The following SOS1 variants were observed in gnomAD, a reference collection of about 807,000 sequenced individuals.
SOS1 encodes the protein son of sevenless homolog 1.
Under a neutral mutation model 157.6 loss-of-function variants are expected in SOS1, and 25 were observed. The ratio of observed to expected loss-of-function variants is 0.16; its 90% confidence interval spans 0.12 to 0.22. The LOEUF is 0.22. SOS1 is among the 10% of genes least tolerant of loss of function. The pLI, the probability that SOS1 is intolerant of heterozygous loss-of-function variation, is 1.00. For synonymous variants in SOS1, 528 were observed against 534.0 expected (o/e 0.99, Z 0.16); for missense variants, 1,237 against 1,599.1 (o/e 0.77, Z 3.86).
intron 20 of SOS1, 41 bp downstream of exon 20, chr2:38,995,082 A>G (rs1462430125): frequency 6.4e-7 from 1 of 1,560,604 alleles, no homozygotes; most frequent in Non-Finnish European, 8.8e-7. Context: ...CATGTATAGT[A>G]CTAACAAATA....
rs1006310505 is a variant in SOS1, at chr2:39,055,301, A to G, written c.511-478T>C. On this transcript the variant is annotated intron_variant, in intron 4 of 22. Coordinates refer to ENST00000402219, the MANE Select transcript of SOS1 (RefSeq NM_005633.4). ...ACTGTTACTACTCTTGCTACAACAC[A>G]TCTTTCCCCTTCTTGAGAACTTCTA... Among the ~76,000 whole-genome samples, 87 of 152,248 alleles carry G rather than the reference A, an allele frequency of 5.7e-4. 1 individual carries two copies. Among genetic ancestry groups the G allele is most frequent in the African/African-American group, 2.0e-3 (85 of 41,540 alleles).
chr2:39,023,107 A>G lies in SOS1; in HGVS notation c.1321T>C (p.Cys441Arg). The change falls in exon 10 of 23, where the codon TGT (cysteine) becomes CGT (arginine). Residue 441 changes from cysteine to arginine, a missense_variant. Coordinates refer to ENST00000402219, the MANE Select transcript of SOS1 (RefSeq NM_005633.4). ...GTTCCTTCCATTATAAATTCATTAC[A>G]ACACTGTCCAATGTCTTTTCCCTCC... ...GWEGKDIGQC[C>R]NEFIMEGTLT... is the part of the protein sequence containing the mutation. 1 of 1,613,586 alleles carries G rather than the reference A, an allele frequency of 6.2e-7. No individual in the cohort carries two copies. The highest frequency in any genetic ancestry group is 8.5e-7 in the Non-Finnish European group (1 of 1,179,644).
intron 2 of SOS1, among the ~76,000 whole-genome samples, chr2:39,061,170 T>A (rs1435051988): frequency 3.3e-5 from 5 of 149,680 alleles, no homozygotes; most frequent in Non-Finnish European, 5.9e-5. Context: ...TACAAGGGTA[T>A]TAATGAAATC....
Position 39,022,997 on chromosome 2 carries a change from C to G in SOS1, c.1431G>C (p.Gln477His). The G allele has an allele frequency of 6.2e-7, 1 of 1,613,820 alleles. No homozygotes were observed. Among genetic ancestry groups the G allele is most frequent in the South Asian group, 1.1e-5 (1 of 91,066 alleles). ...CATTGCTAGCACCAGGAAGTCTTGG[C>G]TGCCCATGATTTGATTTACAGCAAA... ...LMICCKSNHGQPRLPGASNAE... is the reference protein window; with the variant it reads ...LMICCKSNHGHPRLPGASNAE... The change falls in exon 10 of 23, where the codon CAG (glutamine) becomes CAC (histidine). Residue 477 changes from glutamine to histidine, a missense_variant. Physicochemically the swap from Gln to His is conservative, Grantham distance 24. Coordinates refer to ENST00000402219, the MANE Select transcript of SOS1 (RefSeq NM_005633.4).
intron 1 of SOS1, among the ~76,000 whole-genome samples, chr2:39,085,948 G>T (rs1672352010): frequency 6.6e-6 from 1 of 152,172 alleles, no homozygotes; most frequent in Non-Finnish European, 1.5e-5. Flanking sequence ...CTATGTAAGA[G>T]GCAGAGTAGT....
intron 6 of SOS1, among the ~76,000 whole-genome samples, chr2:39,044,264 A>C (rs1670675750): frequency 6.6e-6 from 1 of 152,164 alleles, no homozygotes; most frequent in Admixed American, 6.5e-5. Flanking sequence ...AGGCATGAGA[A>C]TTGCTTGAAC....
At chr2:39,122,549 A>AT (rs142851607), upstream of SOS1, among the ~76,000 whole-genome samples, 135 of 151,754 alleles carry the variant, frequency 8.9e-4, no homozygotes, top group African/African-American at 3.2e-3. Context: ...TGGGCGGACC[A>AT]TTTGAGTTCA....
chr2:39,057,921 G>T (rs1339542910), intron 3 of SOS1, among the ~76,000 whole-genome samples: 2 of 151,868 alleles, frequency 1.3e-5, no homozygotes, highest in Non-Finnish European at 2.9e-5. Flanking sequence ...TTGTGAACTT[G>T]GCATAGAAGT....
At chr2:39,085,453 C>A (rs1558506436) in intron 1 of SOS1, among the ~76,000 whole-genome samples, 1 of 152,194 alleles carries the variant, frequency 6.6e-6, no homozygotes, top group Non-Finnish European at 1.5e-5. Flanking sequence ...CATTGGCAGT[C>A]TTCCTTAAAA....
At chr2:39,087,861 T>C (rs140058177) in intron 1 of SOS1, among the ~76,000 whole-genome samples, 158 of 152,036 alleles carry the variant, frequency 1.0e-3, no homozygotes, top group African/African-American at 3.6e-3. Context: ...AAAATTTTTT[T>C]AGAGATGGGG....
rs1572831555 is a variant in SOS1, at chr2:39,024,078, T to C, written c.1134A>G (p.Thr378=). The part of the protein sequence containing the change: ...EDKECLKQAI[T]ALLNVQSGME... ...TACCACTCTGAACATTAAGCAAAGC[T>C]GTTATTGCTTGTTTTAAACATTCCT... Residue 378 remains threonine (T), a synonymous_variant, in exon 9 of 23, where the codon ACA becomes ACG. Transcript: ENST00000402219. 2 of 1,601,304 alleles carry C rather than the reference T, an allele frequency of 1.2e-6. No individual in the cohort carries two copies. Among genetic ancestry groups the C allele is most frequent in the Non-Finnish European group, 1.7e-6 (2 of 1,168,488 alleles).
rs1483281162 is a variant in SOS1, at chr2:38,995,327, C to G, written c.3142G>C (p.Gly1048Arg). Residue 1048 changes from glycine to arginine, a missense_variant, in exon 20 of 23, where the codon GGT (glycine) becomes CGT (arginine). Gly to Arg is a moderately radical substitution (Grantham distance 125). Transcript: ENST00000402219. ...PGVRPSNPRP[G>R]TMRHPTPLQQ... is the part of the protein sequence containing the mutation. ...AGAGGTGTGGGATGCCTCATGGTAC[C>G]TGGTCTTGGGTTTGATGGACGAACA... 1 of 1,613,724 alleles carries G rather than the reference C, an allele frequency of 6.2e-7. No individual in the cohort carries two copies. Among genetic ancestry groups the G allele is most frequent in the Non-Finnish European group, 8.5e-7 (1 of 1,179,744 alleles).
chr2:39,055,557 A>G (rs1248205328), intron 4 of SOS1, among the ~76,000 whole-genome samples: 1 of 152,184 alleles, frequency 6.6e-6, no homozygotes, highest in South Asian at 2.1e-4. Flanking sequence ...AAAAATACCC[A>G]AACATTTGAA....
chr2:39,124,480 G>A (rs567532919), upstream of SOS1: 135 of 152,416 alleles, frequency 8.9e-4, no homozygotes, highest in African/African-American at 3.2e-3. Flanking sequence ...GCGGCGCATC[G>A]GAGTAGGGCG....
At chr2:39,047,131 C>CT (rs1670819568) in intron 6 of SOS1, among the ~76,000 whole-genome samples, 1 of 152,156 alleles carries the variant, frequency 6.6e-6, no homozygotes, top group African/African-American at 2.4e-5. Context: ...AACCACTACT[C>CT]TAATAATCTG....
intron 2 of SOS1, among the ~76,000 whole-genome samples, chr2:39,065,223 G>T (rs1671553698): frequency 6.6e-6 from 1 of 152,112 alleles, no homozygotes; most frequent in South Asian, 2.1e-4. Flanking sequence ...GAGGAAAATG[G>T]AAAATTATTT....
chr2:39,089,804 C>T (rs903673314), intron 1 of SOS1, among the ~76,000 whole-genome samples: 6 of 151,682 alleles, frequency 4.0e-5, no homozygotes, highest in African/African-American at 1.5e-4. Flanking sequence ...AGATCTGAAT[C>T]TCACTCTTTT....
At position 39,120,409 on chromosome 2, in the gene SOS1, T is replaced by C; in HGVS notation, c.14A>G (p.Gln5Arg). The change falls in exon 1 of 23, where the codon CAG becomes CGG. Residue 5 changes from glutamine to arginine, a missense_variant. Transcript: ENST00000402219. MQAQ[Q>R]LPYEFFSEEN... is the part of the protein sequence containing the mutation. ...TTCGCTGAAAAACTCGTAGGGCAGC[T>C]GCTGCGCCTGCATGGTGCCCCCGGG... 6.3e-7 allele frequency: 1 copy of C among 1,593,730 alleles called. No individual in the cohort carries two copies. Among genetic ancestry groups the C allele is most frequent in the African/African-American group, 1.4e-5 (1 of 72,810 alleles).
intron 10 of SOS1, among the ~76,000 whole-genome samples, chr2:39,019,336 T>TTAACTTG (rs1436056726): frequency 6.6e-6 from 1 of 151,810 alleles, no homozygotes; most frequent in African/African-American, 2.4e-5. Flanking sequence ...TTAGGTCTCA[T>TTAACTTG]TAACTTGTAC....
Sources: allele counts gnomAD v4.1 joint callset (sites outside exome capture counted in the v4.1 genomes callset), GRCh38; gene constraint gnomAD v4.1.1; transcripts MANE v1.5; gene names NCBI Gene and HGNC (gene_info 2026-07-23, HGNC 2026-07-21).